The following ADGRL2 variants were observed in gnomAD, a reference collection of about 807,000 sequenced individuals.
ADGRL2 encodes the protein calcium-independent alpha-latrotoxin receptor 2.
Under a neutral mutation model 157.4 loss-of-function variants are expected in ADGRL2, and 44 were observed. That is an observed-to-expected ratio of 0.28 (90% confidence interval 0.22 to 0.36). ADGRL2 has a LOEUF of 0.36. Among genes scored for constraint, ADGRL2 ranks in the 10% least tolerant of loss-of-function variants. The probability of loss-of-function intolerance (pLI) is 1.00; values close to 1 mark genes in which losing one functional copy is unlikely to be tolerated. For missense variants in ADGRL2, 1,510 were observed against 1,768.9 expected (o/e 0.85, Z 2.63); for synonymous variants, 585 against 624.7 (o/e 0.94, Z 0.95).
chr1:81,419,383 C>A (rs1208938362), intron 1 of ADGRL2, among the ~76,000 whole-genome samples: 1 of 151,852 alleles, frequency 6.6e-6, no homozygotes, highest in Admixed American at 6.6e-5. Flanking sequence ...TTTGTGTTTT[C>A]TTTTAGTGGA....
intron 1 of ADGRL2, among the ~76,000 whole-genome samples, chr1:81,390,536 A>G (rs2076523748): frequency 6.6e-6 from 1 of 151,066 alleles, no homozygotes; most frequent in Non-Finnish European, 1.5e-5. Context: ...AAGCTCAAAT[A>G]GCATGATAGA....
chr1:81,446,267 C>T (rs1372671077), intron 2 of ADGRL2, among the ~76,000 whole-genome samples: 2 of 152,116 alleles, frequency 1.3e-5, no homozygotes, highest in Non-Finnish European at 2.9e-5. Flanking sequence ...AATTACAAGG[C>T]TTGTCACCAT....
At position 81,548,164 on chromosome 1, in the gene ADGRL2, GAGTTTC is replaced by G. The variant is rs969503985; in HGVS notation, c.-247-32710_-247-32705del. On this transcript the variant is annotated intron_variant, in intron 2 of 24. Coordinates refer to the ADGRL2 transcript ENST00000370721. ...CCAACTACACACGTAACTGAAGAAA[GAGTTTC>G]ACATAACAATACTTAACTTGCACTC... is the stretch of plus-strand genomic sequence containing the variant. Among the ~76,000 whole-genome samples the G allele has an allele frequency of 1.0e-3, 155 of 152,204 alleles. 1 individual carries two copies. Among genetic ancestry groups the G allele is most frequent in the African/African-American group, 3.4e-3 (140 of 41,524 alleles).
chr1:81,497,810 A>G (rs1316112302), intron 2 of ADGRL2, among the ~76,000 whole-genome samples: 1 of 152,224 alleles, frequency 6.6e-6, no homozygotes, highest in African/African-American at 2.4e-5. Flanking sequence ...TAACTGGTCT[A>G]TTTTTGTTTG....
intron 2 of ADGRL2, among the ~76,000 whole-genome samples, chr1:81,876,208 A>T (rs2093837187): frequency 6.6e-6 from 1 of 152,178 alleles, no homozygotes; most frequent in South Asian, 2.1e-4. Flanking sequence ...GCCTTGTCAA[A>T]AGTGGAATTA....
chr1:81,778,646 C>G (rs1373837443), intron 2 of ADGRL2, among the ~76,000 whole-genome samples: 1 of 152,156 alleles, frequency 6.6e-6, no homozygotes, highest in African/African-American at 2.4e-5. Flanking sequence ...AGTTTGCAGA[C>G]TGACATTTTT....
At chr1:81,973,684 T>C (rs945429390) in intron 17 of ADGRL2, among the ~76,000 whole-genome samples, 3 of 152,228 alleles carry the variant, frequency 2.0e-5, no homozygotes, top group African/African-American at 7.2e-5. Context: ...TTTATAAGTC[T>C]TGTCATTATT....
chr1:81,806,322 A>G (rs1475088187), intron 1 of ADGRL2, among the ~76,000 whole-genome samples: 3 of 152,106 alleles, frequency 2.0e-5, no homozygotes, highest in Non-Finnish European at 4.4e-5. Context: ...TCTAAATTTA[A>G]GACAAACAGT....
At chr1:81,527,286 C>A (rs1425573153) in intron 2 of ADGRL2, among the ~76,000 whole-genome samples, 1 of 152,168 alleles carries the variant, frequency 6.6e-6, no homozygotes. Context: ...CAGCTGTAGT[C>A]TGAGTTTAAC....
intron 10 of ADGRL2, among the ~76,000 whole-genome samples, chr1:81,953,876 T>G (rs1652619748): frequency 6.6e-6 from 1 of 152,272 alleles, no homozygotes; most frequent in South Asian, 2.1e-4. Context: ...ACAAAAGAAC[T>G]TTTGTAGTTT....
At chr1:81,448,137 C>CTTTTTTTTTTTTTTTTTTTTTTTTTTT (rs1168945231) in intron 2 of ADGRL2, among the ~76,000 whole-genome samples, 19 of 83,528 alleles carry the variant, frequency 2.3e-4, no homozygotes, top group Non-Finnish European at 3.0e-4. Flanking sequence ...TTCTTTCTTT[C>CTTTTTTTTTTTTTTTTTTTTTTTTTTT]TTTTTTTTTT....
chr1:81,338,381 A>C (rs981251950), intron 1 of ADGRL2, among the ~76,000 whole-genome samples: 4 of 151,942 alleles, frequency 2.6e-5, no homozygotes, highest in Non-Finnish European at 4.4e-5. Flanking sequence ...AAACAAAACA[A>C]AACACAAAAC....
chr1:81,972,691 A>G (rs1301855573), intron 17 of ADGRL2, among the ~76,000 whole-genome samples: 1 of 151,916 alleles, frequency 6.6e-6, no homozygotes, highest in Non-Finnish European at 1.5e-5. Flanking sequence ...CAGGAGGATC[A>G]CTTGAGGCAA....
chr1:81,560,271 T>C (rs963218991), intron 2 of ADGRL2, among the ~76,000 whole-genome samples: 7 of 152,230 alleles, frequency 4.6e-5, no homozygotes, highest in African/African-American at 1.7e-4. Flanking sequence ...CCAAAATACC[T>C]GATTTCAAGT....
At chr1:81,454,434 G>T (rs189072770) in intron 2 of ADGRL2, among the ~76,000 whole-genome samples, 1 of 152,178 alleles carries the variant, frequency 6.6e-6, no homozygotes, top group Non-Finnish European at 1.5e-5. Context: ...TCTTTGTATT[G>T]ATTTTTATAT....
intron 1 of ADGRL2, among the ~76,000 whole-genome samples, chr1:81,346,942 T>A (rs1170821679): frequency 6.6e-6 from 1 of 152,122 alleles, no homozygotes. Context: ...TTGAGGTGCA[T>A]GCAAGAAAAA....
At chr1:81,897,994 G>A (rs1019504073) in intron 2 of ADGRL2, among the ~76,000 whole-genome samples, 1 of 152,062 alleles carries the variant, frequency 6.6e-6, no homozygotes, top group Non-Finnish European at 1.5e-5. Context: ...ACTACTCTGG[G>A]GTGAGGAAGA....
chr1:81,740,253 T>C (rs542735530), intron 1 of ADGRL2, among the ~76,000 whole-genome samples: 1 of 152,270 alleles, frequency 6.6e-6, no homozygotes, highest in Non-Finnish European at 1.5e-5. Flanking sequence ...TAAACAAGGG[T>C]TTATTAAATG....
intron 1 of ADGRL2, among the ~76,000 whole-genome samples, chr1:81,814,734 TTGAAA>T (rs1398490822): frequency 6.6e-6 from 1 of 151,568 alleles, no homozygotes; most frequent in African/African-American, 2.4e-5. Context: ...TTTTCTCAAA[TTGAAA>T]TCTTAACAAA....
Sources: gnomAD v4.1 joint callset for allele counts (sites outside exome capture counted in the v4.1 genomes callset) on GRCh38, gnomAD v4.1.1 for gene constraint, MANE v1.5 for transcripts, NCBI Gene and HGNC (gene_info 2026-07-23, HGNC 2026-07-21) for gene names.